Variants in KIF1B observed in about 807,000 individuals in gnomAD.
KIF1B encodes the protein kinesin family member 1B, also known as kinesin-like protein KIF1B.
KIF1B carries 76 observed loss-of-function variants against 241.9 expected under a neutral mutation model. That is an observed-to-expected ratio of 0.31 (90% CI 0.26 to 0.38). The LOEUF is 0.38. Among genes scored for constraint, KIF1B ranks in the 10% least tolerant of loss-of-function variants. The pLI is 1.00. For missense variants in KIF1B, 1,622 were observed against 2,271.4 expected, an observed-to-expected ratio of 0.71 and a Z score of 5.81; for synonymous variants, 750 against 796.7, an observed-to-expected ratio of 0.94 and a Z score of 0.99.
intron 22 of KIF1B, 26 bp from the exon 23 acceptor site, chr1:10,320,017 A>T: frequency 1.3e-6 from 2 of 1,499,614 alleles, no homozygotes; most frequent in South Asian, 1.1e-5. Context: ...CCTCTCCTAC[A>T]TGTTATCTCC....
Position 10,222,456 on chromosome 1 carries a change from C to T in KIF1B, c.-79-9794C>T, listed in dbSNP as rs920552384. Among the ~76,000 whole-genome samples the T allele has an allele frequency of 3.3e-5, 5 of 152,128 alleles. No individual in the cohort carries two copies. The East Asian group carries it at 9.6e-4, about 29-fold the overall frequency. On this transcript the variant is annotated intron_variant, in intron 1 of 48. Transcript: ENST00000676179. ...CCAACTGAAGGTTTTTAAGGAGAGG[C>T]AATGGCATGAACTGATCATTTTTTT...
At chr1:10,212,040 C>T (rs1050648169) in intron 1 of KIF1B, among the ~76,000 whole-genome samples, 21 of 152,094 alleles carry the variant, frequency 1.4e-4, no homozygotes, top group African/African-American at 5.1e-4. Flanking sequence ...TGTGGAATCT[C>T]GAGGTAGCTG....
At chr1:10,270,290 A>G (rs989138893) in intron 7 of KIF1B, among the ~76,000 whole-genome samples, 1 of 152,120 alleles carries the variant, frequency 6.6e-6, no homozygotes, top group Non-Finnish European at 1.5e-5. Flanking sequence ...TTTTGTCACT[A>G]TATATTAATT....
intron 27 of KIF1B, among the ~76,000 whole-genome samples, chr1:10,330,987 G>C (rs1195703851): frequency 1.3e-5 from 2 of 152,078 alleles, no homozygotes; most frequent in African/African-American, 2.4e-5. Flanking sequence ...GAGGCTGGGT[G>C]TGGTAGCTCA....
chr1:10,371,994 C>T (rs906433250), intron 45 of KIF1B, among the ~76,000 whole-genome samples: 2 of 152,048 alleles, frequency 1.3e-5, no homozygotes, highest in African/African-American at 2.4e-5. Context: ...CATCATAATC[C>T]GTTCTTTGCA....
chr1:10,357,528 G>A (rs1638285223), intron 38 of KIF1B, among the ~76,000 whole-genome samples: 1 of 152,030 alleles, frequency 6.6e-6, no homozygotes, highest in African/African-American at 2.4e-5. Flanking sequence ...GAGCCCAAGA[G>A]TTCAAGACCT....
intron 38 of KIF1B, among the ~76,000 whole-genome samples, chr1:10,356,218 T>C (rs1638241163): frequency 6.6e-6 from 1 of 151,680 alleles, no homozygotes; most frequent in African/African-American, 2.4e-5. Context: ...ATACAAAAAT[T>C]AGCCTGGCAT....
In KIF1B at chr1:10,365,676, G is replaced by A. The variant is rs1451790586; in HGVS notation, c.4752+28G>A. 4.3e-6 allele frequency: 7 copies of A among 1,613,460 alleles called. No homozygotes were observed. The highest frequency in any genetic ancestry group is 1.1e-5 in the South Asian group (1 of 91,070). Reference sequence around the variant, plus strand: ...GTGAATCCCTTCCTCTTTGCTGAACGTCTTCCCACAAGGCTCCACAAACTA... The same window carrying A: ...GTGAATCCCTTCCTCTTTGCTGAACATCTTCCCACAAGGCTCCACAAACTA... On this transcript the variant is annotated intron_variant, in intron 43 of 48. Coordinates refer to ENST00000676179, the MANE Select transcript of KIF1B (RefSeq NM_001365951.3). This position sits in a 1 kb window ranked among gnomAD's most constrained non-coding sequence, Gnocchi z 4.0.
chr1:10,361,826 G>C lies in KIF1B; in HGVS notation c.4304+1G>C. 1 of 1,613,656 alleles carries C rather than the reference G, an allele frequency of 6.2e-7. No homozygotes were observed. The highest frequency in any genetic ancestry group is 8.5e-7 in the Non-Finnish European group (1 of 1,180,016). On this transcript the variant is annotated splice_donor_variant, in intron 40 of 48. Coordinates refer to ENST00000676179, the MANE Select transcript of KIF1B (RefSeq NM_001365951.3). LOFTEE classifies it high-confidence loss of function. ...GCGGCTACTCAAAGTCACCAGATTC[G>C]TAAGTTTTTCACACAAGTTAGCTTC...
rs768672234 is a variant in KIF1B at position 10,295,758 on chromosome 1, G to A, written c.1769G>A (p.Ser590Asn). 2.7e-5 allele frequency: 43 copies of A among 1,613,198 alleles called. No individual in the cohort carries two copies. The highest frequency in any genetic ancestry group is 3.6e-5 in the Non-Finnish European group (42 of 1,179,492). ...HCIFRSERSN[S>N]GEVIVTLEPC... The stretch of plus-strand genomic sequence containing the variant: ...ATCTTCCGGAGTGAGAGAAGCAACA[G>A]CGGGGAAGGTGAGCATTCCTGGCTG... The change falls in exon 19 of 49, where the codon AGC becomes AAC. Residue 590 changes from serine to asparagine, a missense_variant. Transcript: ENST00000676179.
chr1:10,366,545 A>T (rs1028919677), intron 43 of KIF1B, among the ~76,000 whole-genome samples: 1 of 152,106 alleles, frequency 6.6e-6, no homozygotes, highest in Non-Finnish European at 1.5e-5. Context: ...GGTGTCCTGC[A>T]TGATCAGTCT....
At chr1:10,257,039 G>T (rs1164345066) in intron 3 of KIF1B, among the ~76,000 whole-genome samples, 1 of 151,670 alleles carries the variant, frequency 6.6e-6, no homozygotes, top group Non-Finnish European at 1.5e-5. Flanking sequence ...ATTGCTTAGG[G>T]TACTGTTAAT....
chr1:10,290,167 T>A (rs879769646), intron 15 of KIF1B, among the ~76,000 whole-genome samples: 25 of 152,166 alleles, frequency 1.6e-4, no homozygotes, highest in Non-Finnish European at 2.6e-4. Flanking sequence ...TTTATTTTTT[T>A]AATTTTACTT....
At chr1:10,321,084 A>G (rs114788467) in intron 23 of KIF1B, among the ~76,000 whole-genome samples, 4,000 of 151,718 alleles carry the variant, frequency 0.026, 201 homozygotes, top group African/African-American at 0.09. Context: ...AAGTCATACA[A>G]TGTAACAGAG....
At chr1:10,236,297 CA>C (rs1474926057) in intron 2 of KIF1B, among the ~76,000 whole-genome samples, 1 of 151,012 alleles carries the variant, frequency 6.6e-6, no homozygotes, top group Non-Finnish European at 1.5e-5. Flanking sequence ...ACAACAACAA[CA>C]ACAACAAAAA....
chr1:10,299,567 A>T (rs1650438187), intron 22 of KIF1B, among the ~76,000 whole-genome samples: 1 of 152,252 alleles, frequency 6.6e-6, no homozygotes. Context: ...GAGAGAATAC[A>T]AAGGAATTAT....
chr1:10,279,942 GTCC>G (rs1030573653), intron 14 of KIF1B, among the ~76,000 whole-genome samples: 3 of 151,982 alleles, frequency 2.0e-5, no homozygotes, highest in African/African-American at 4.8e-5. Flanking sequence ...ACCTCAAGCA[GTCC>G]TCCTGCCTCG....
chr1:10,291,156 G>A lies in KIF1B; in HGVS notation c.1509G>A (p.Met503Ile). The change falls in exon 16 of 49, where the codon ATG becomes ATA. Residue 503 changes from methionine (M) to isoleucine (I), a missense_variant. By Grantham distance (10) the Met-to-Ile change is conservative. Transcript: ENST00000676179. ...EKLRKTEAIR[M>I]EREALLAEMG... Reference sequence around the variant, plus strand: ...TTCGTAAAACAGAGGCCATCAGAATGGAGAGGTCAGGAGGTTAAAATCTGG... The same window carrying A: ...TTCGTAAAACAGAGGCCATCAGAATAGAGAGGTCAGGAGGTTAAAATCTGG... 13 of 1,605,122 alleles carry A rather than the reference G, an allele frequency of 8.1e-6. No individual in the cohort carries two copies. Among genetic ancestry groups the A allele is most frequent in the Non-Finnish European group, 1.1e-5 (13 of 1,172,128 alleles).
intron 37 of KIF1B, among the ~76,000 whole-genome samples, chr1:10,351,248 A>G (rs766809141): frequency 6.6e-6 from 1 of 152,020 alleles, no homozygotes; most frequent in Non-Finnish European, 1.5e-5. Flanking sequence ...TAATGTTTAT[A>G]TGGAACCCTA....
Sources: allele counts gnomAD v4.1 joint callset (sites outside exome capture counted in the v4.1 genomes callset), GRCh38; gene constraint gnomAD v4.1.1; non-coding constraint Gnocchi (gnomAD v3.1); transcripts MANE v1.5; gene names NCBI Gene and HGNC (gene_info 2026-07-23, HGNC 2026-07-21).